The following PLPP7 variants were observed in gnomAD, a reference collection of about 807,000 sequenced individuals.
PLPP7 encodes the protein inactive phospholipid phosphatase 7.
Under a neutral mutation model 16.9 loss-of-function variants are expected in PLPP7, and 11 were observed. That is an observed-to-expected ratio of 0.65 (90% confidence interval 0.41 to 1.08). The LOEUF (loss-of-function observed/expected upper bound fraction) is 1.08. Ranked by LOEUF, PLPP7 falls within the 50% of genes least tolerant of loss-of-function variation. The probability of loss-of-function intolerance (pLI) is 0.00; values close to 1 mark genes in which losing one functional copy is unlikely to be tolerated. For synonymous variants in PLPP7, 174 were observed against 175.1 expected, an observed-to-expected ratio of 0.99 and a Z score of 0.05; for missense variants, 358 against 397.1, an observed-to-expected ratio of 0.90 and a Z score of 0.84.
At chr9:131,307,898 A>G (rs767315434) in intron 1 of PLPP7, 25 bp from the exon 2 acceptor site, 36 of 1,550,028 alleles carry the variant, frequency 2.3e-5, no homozygotes, top group Non-Finnish European at 2.9e-5. Context: ...CTGATGGCCC[A>G]GGGGCCTCTG....
intron 1 of PLPP7, chr9:131,291,462 T>C: frequency 9.4e-7 from 1 of 1,061,576 alleles, no homozygotes; most frequent in South Asian, 2.7e-5. Flanking sequence ...GTCTGGAGGC[T>C]CTATGCTCTC....
intron 1 of PLPP7, among the ~76,000 whole-genome samples, chr9:131,299,589 T>A (rs1835773681): frequency 6.6e-6 from 1 of 152,120 alleles, no homozygotes; most frequent in Non-Finnish European, 1.5e-5. Context: ...AGAGCTGCCC[T>A]GTGGTCTGAG....
chr9:131,307,978 C>G lies in PLPP7; in HGVS notation c.507C>G (p.Arg169=). 1 of 1,599,772 alleles carries G rather than the reference C, an allele frequency of 6.3e-7. No homozygotes were observed. The highest frequency in any genetic ancestry group is 1.7e-5 in the Admixed American group (1 of 59,992). Residue 169 remains arginine (R), a synonymous_variant, in exon 2 of 2, where the codon CGC becomes CGG. Transcript: ENST00000372264. ...VAGVQKLIKR[R]GPYETSPSLL... ...GCGTGCAGAAGCTCATCAAGCGGCG[C>G]GGCCCGTACGAGACGAGCCCCAGCC...
rs2131211210 is a variant in PLPP7 at position 131,290,812 on chromosome 9, GT to G, written c.451+365del. Among the ~76,000 whole-genome samples the G allele has an allele frequency of 6.6e-6, 1 of 152,288 alleles. No individual in the cohort carries two copies. The highest frequency in any genetic ancestry group is 2.1e-4 in the South Asian group (1 of 4,828). On this transcript the variant is annotated intron_variant, in intron 1 of 1. Coordinates refer to ENST00000372264, the MANE Select transcript of PLPP7 (RefSeq NM_032728.4). The surrounding 1 kb of genome is among the most constrained non-coding windows in gnomAD (Gnocchi z 4.2). The stretch of plus-strand genomic sequence containing the variant: ...GCTCTGGTGGGCATCCTGGAATGGG[GT>G]GTCACTGTTTGACTCCTGCCCCACG...
chr9:131,293,003 C>T, intron 1 of PLPP7: 1 of 970,786 alleles, frequency 1.0e-6, no homozygotes, highest in Non-Finnish European at 1.2e-6. Flanking sequence ...ATGTATTGAG[C>T]TTTATTATGT....
chr9:131,296,060 T>C (rs966454250), intron 1 of PLPP7, among the ~76,000 whole-genome samples: 2 of 152,178 alleles, frequency 1.3e-5, no homozygotes, highest in Non-Finnish European at 2.9e-5. Context: ...TTGTGTTGAC[T>C]TGTTTGAGGA....
intron 1 of PLPP7, among the ~76,000 whole-genome samples, chr9:131,297,685 C>G (rs1006797938): frequency 1.3e-5 from 2 of 152,148 alleles, no homozygotes; most frequent in African/African-American, 4.8e-5. Context: ...TGTGCCTAGC[C>G]TGTAAAAATA....
At chr9:131,294,413 C>A (rs2131214196) in intron 1 of PLPP7, among the ~76,000 whole-genome samples, 1 of 152,230 alleles carries the variant, frequency 6.6e-6, no homozygotes, top group East Asian at 1.9e-4. Context: ...TGTCAGAAGT[C>A]CAGGACCAGC....
In PLPP7 at chr9:131,295,434, G is replaced by A. The variant is rs557063497; in HGVS notation, c.451+4986G>A. ...CCCAAAGTGCTGGGATCACAGGAGT[G>A]AGCCACCACGCCTGGCTATGAAAAC... On this transcript the variant is annotated intron_variant, in intron 1 of 1. Transcript: ENST00000372264. This position sits in a 1 kb window ranked among gnomAD's most constrained non-coding sequence, Gnocchi z 4.0. Among the ~76,000 whole-genome samples, 1 of 152,226 alleles carries A rather than the reference G, an allele frequency of 6.6e-6. No individual in the cohort carries two copies. Among genetic ancestry groups the A allele is most frequent in the South Asian group, 2.1e-4 (1 of 4,822 alleles).
intron 1 of PLPP7, among the ~76,000 whole-genome samples, chr9:131,299,491 G>C (rs1835772410): frequency 6.6e-6 from 1 of 152,180 alleles, no homozygotes; most frequent in South Asian, 2.1e-4. Context: ...AGGCCTGGCT[G>C]CGCTGGAGGA....
intron 1 of PLPP7, chr9:131,293,047 A>G (rs1329012889): frequency 5.9e-6 from 5 of 843,152 alleles, no homozygotes; most frequent in Non-Finnish European, 2.9e-6. Context: ...CCTGTATTTT[A>G]TGATGTAAAA....
In PLPP7 at chr9:131,295,338, G is replaced by C. The variant is rs1835724457; in HGVS notation, c.451+4890G>C. Reference sequence around the variant, plus strand: ...CTGGCTAATTTTTGTATTTTTAGTAGAGATGGGGTTTCACCATGTTGGCCA... The same window carrying C: ...CTGGCTAATTTTTGTATTTTTAGTACAGATGGGGTTTCACCATGTTGGCCA... On this transcript the variant is annotated intron_variant, in intron 1 of 1. Transcript: ENST00000372264. This position sits in a 1 kb window ranked among gnomAD's most constrained non-coding sequence, Gnocchi z 4.0. Among the ~76,000 whole-genome samples, 1 of 151,480 alleles carries C rather than the reference G, an allele frequency of 6.6e-6. No individual in the cohort carries two copies. Among genetic ancestry groups the C allele is most frequent in the Non-Finnish European group, 1.5e-5 (1 of 67,868 alleles).
intron 1 of PLPP7, among the ~76,000 whole-genome samples, chr9:131,301,270 G>A (rs917598034): frequency 1.3e-5 from 2 of 152,192 alleles, no homozygotes; most frequent in African/African-American, 2.4e-5. Flanking sequence ...CGCTGGCCTC[G>A]AAAGGCAGAT....
In PLPP7 at chr9:131,307,864, A is replaced by AGGGCCT. The variant is rs1835870697; in HGVS notation, c.452-50_452-45dup. On this transcript the variant is annotated intron_variant, in intron 1 of 1. Transcript: ENST00000372264. ...AGGCGAGGTGGAAATGTGGGGGGCC[A>AGGGCCT]GGGCCTGGGCCTGGCTGGTGGCCCT... is the stretch of plus-strand genomic sequence containing the variant. 2.7e-6 allele frequency: 4 copies of AGGGCCT among 1,486,956 alleles called. No homozygotes were observed. In the Admixed American group the frequency reaches 6.9e-5, roughly 26 times the overall value. 92.1% of individuals were successfully genotyped at this position (1,486,956 alleles called of 1,614,324 possible).
chr9:131,296,543 G>C (rs1275334778), intron 1 of PLPP7, among the ~76,000 whole-genome samples: 1 of 152,088 alleles, frequency 6.6e-6, no homozygotes, highest in Admixed American at 6.6e-5. Flanking sequence ...CGAGAGCCAC[G>C]GTGCCCAGCC....
chr9:131,293,065 C>T (rs1835699238), intron 1 of PLPP7: 3 of 682,584 alleles, frequency 4.4e-6, no homozygotes, highest in Non-Finnish European at 5.4e-6. Flanking sequence ...AAAAAGCTGT[C>T]GATGACCTTT....
intron 1 of PLPP7, among the ~76,000 whole-genome samples, chr9:131,303,104 C>T (rs1012443137): frequency 2.6e-5 from 4 of 151,970 alleles, no homozygotes; most frequent in Admixed American, 1.3e-4. Flanking sequence ...GGCTGAGGTG[C>T]GCGGATCACC....
At chr9:131,301,599 C>T (rs932010472) in intron 1 of PLPP7, among the ~76,000 whole-genome samples, 2 of 152,320 alleles carry the variant, frequency 1.3e-5, no homozygotes, top group African/African-American at 4.8e-5. Flanking sequence ...GAAAAAAAGC[C>T]TTCGCTGGTG....
rs1835878303 is a variant in PLPP7, at chr9:131,308,224, C to T, written c.753C>T (p.Phe251=). 3.1e-6 allele frequency: 5 copies of T among 1,599,602 alleles called. No individual in the cohort carries two copies. Among genetic ancestry groups the T allele is most frequent in the Non-Finnish European group, 4.2e-6 (5 of 1,179,816 alleles). Residue 251 remains phenylalanine (F), a synonymous_variant, in exon 2 of 2, where the codon TTC becomes TTT. Transcript: ENST00000372264. The stretch of plus-strand genomic sequence containing the variant: ...GCTTTGTCATCGGCTACCTCCAGTT[C>T]CGTCTGGTGGAGCTGGTCTGGATGC... ...LSGFVIGYLQ[F]RLVELVWMPS... is the part of the protein sequence containing the mutation.
Sources: allele counts gnomAD v4.1 joint callset (sites outside exome capture counted in the v4.1 genomes callset), GRCh38; gene constraint gnomAD v4.1.1; non-coding constraint Gnocchi (gnomAD v3.1); transcripts MANE v1.5; gene names NCBI Gene and HGNC (gene_info 2026-07-23, HGNC 2026-07-21).